Variants in EYS observed in about 807,000 individuals in gnomAD.
EYS encodes protein eyes shut homolog.
A neutral mutation model predicts 282.1 loss-of-function variants in EYS; 250 were observed. That is an observed-to-expected ratio of 0.89 (90% CI 0.80 to 0.98). The LOEUF (loss-of-function observed/expected upper bound fraction) is 0.98, where lower values mean the gene tolerates loss of function less well. Among genes scored for constraint, EYS ranks in the 50% least tolerant of loss-of-function variants. The probability of loss-of-function intolerance (pLI) is 0.00; values close to 1 mark genes in which losing one functional copy is unlikely to be tolerated. For missense variants in EYS, 4,016 were observed against 3,709.0 expected (o/e 1.08, Z -2.15); for synonymous variants, 1,355 against 1,282.9 (o/e 1.06, Z -1.20).
intron 37 of EYS, 131 bp from the exon 38 acceptor site, chr6:63,789,355 A>G (rs1161126950): frequency 2.3e-6 from 2 of 861,884 alleles, no homozygotes; most frequent in Admixed American, 5.7e-5. Context: ...GTCTCTAGTC[A>G]GCATTTAGGT....
chr6:65,504,182 C>T (rs116248478), intron 2 of EYS, among the ~76,000 whole-genome samples: 5,244 of 150,588 alleles, frequency 0.035, 254 homozygotes, highest in African/African-American at 0.11. Context: ...AGGTATATAC[C>T]CAATTATTTA....
intron 36 of EYS, chr6:63,821,308 A>G (rs946833759): frequency 5.3e-5 from 8 of 152,202 alleles, no homozygotes; most frequent in African/African-American, 1.9e-4. Flanking sequence ...AAGTAGAAAC[A>G]ACACATCAAA....
intron 26 of EYS, among the ~76,000 whole-genome samples, chr6:64,586,325 A>G (rs1026927769): frequency 3.3e-5 from 5 of 152,040 alleles, no homozygotes; most frequent in African/African-American, 1.2e-4. Context: ...ATAAATACCC[A>G]TTCTGTGGTA....
intron 41 of EYS, chr6:63,742,025 T>C (rs538791927): frequency 1.4e-6 from 1 of 700,366 alleles, no homozygotes; most frequent in African/African-American, 1.7e-5. Flanking sequence ...TTTGTGGCTC[T>C]TTATCAGCAG....
chr6:64,406,093 T>C (rs1280815396), intron 28 of EYS, among the ~76,000 whole-genome samples: 5 of 152,184 alleles, frequency 3.3e-5, no homozygotes, highest in African/African-American at 9.7e-5. Context: ...AACAGCATGG[T>C]ACTGGTAGCA....
chr6:64,933,838 T>G (rs536557792), intron 15 of EYS, among the ~76,000 whole-genome samples: 2 of 152,162 alleles, frequency 1.3e-5, no homozygotes, highest in African/African-American at 4.8e-5. Flanking sequence ...TGCAGAGACA[T>G]GGATGAAAAT....
chr6:65,170,106 T>C, intron 12 of EYS, among the ~76,000 whole-genome samples: 1 of 151,526 alleles, frequency 6.6e-6, no homozygotes, highest in Admixed American at 6.6e-5. Context: ...AGTGAGTCAA[T>C]TTAGAGAACA....
chr6:63,771,462 T>C (rs963087386), intron 40 of EYS, among the ~76,000 whole-genome samples: 3 of 152,234 alleles, frequency 2.0e-5, no homozygotes, highest in African/African-American at 7.2e-5. Flanking sequence ...AACAATCTGA[T>C]CTAAAAATGT....
chr6:63,782,042 TGGA>T (rs1183495449), intron 39 of EYS, among the ~76,000 whole-genome samples: 2 of 152,222 alleles, frequency 1.3e-5, no homozygotes, highest in African/African-American at 4.8e-5. Context: ...GTTTATATGA[TGGA>T]TTACATTTAT....
At chr6:65,336,896 A>G (rs1770010105) in intron 10 of EYS, among the ~76,000 whole-genome samples, 2 of 151,668 alleles carry the variant, frequency 1.3e-5, no homozygotes, top group Middle Eastern at 3.4e-3. Flanking sequence ...ACACAGGTAT[A>G]TATTTATATA....
intron 26 of EYS, among the ~76,000 whole-genome samples, chr6:64,572,443 G>T (rs1241955455): frequency 6.6e-6 from 1 of 152,160 alleles, no homozygotes; most frequent in Admixed American, 6.6e-5. Context: ...CATTCAAATA[G>T]GGAGAGAGGA....
intron 11 of EYS, among the ~76,000 whole-genome samples, chr6:65,334,257 T>C (rs1379802377): frequency 2.6e-5 from 4 of 151,754 alleles, no homozygotes; most frequent in African/African-American, 9.7e-5. Context: ...GGCAATATTT[T>C]ATTTTATTGT....
chr6:63,935,370 C>A (rs559073931), intron 35 of EYS, among the ~76,000 whole-genome samples: 1 of 152,332 alleles, frequency 6.6e-6, no homozygotes, highest in East Asian at 1.9e-4. Context: ...CTGTTATGAG[C>A]TGAATTGTTT....
chr6:65,607,348 A>G (rs1412218306), intron 2 of EYS, among the ~76,000 whole-genome samples: 1 of 151,860 alleles, frequency 6.6e-6, no homozygotes, highest in South Asian at 2.1e-4. Flanking sequence ...CAGAAACCAT[A>G]GTAACTTCTC....
intron 13 of EYS, among the ~76,000 whole-genome samples, chr6:65,045,353 C>T (rs980756554): frequency 1.1e-4 from 17 of 151,848 alleles, no homozygotes; most frequent in African/African-American, 3.9e-4. Flanking sequence ...CAAAACCTTG[C>T]CATTGTATCC....
chr6:65,021,303 C>G (rs1204289233), intron 13 of EYS, among the ~76,000 whole-genome samples: 1 of 152,214 alleles, frequency 6.6e-6, no homozygotes, highest in African/African-American at 2.4e-5. Flanking sequence ...TCATCTCTCT[C>G]AAGTTCAAAG....
rs931696645 is a variant in EYS, at chr6:64,515,808, A to C, written c.5644+74415T>G. 3.3e-5 allele frequency among the ~76,000 whole-genome samples: 5 copies of C among 151,668 alleles called. No individual in the cohort carries two copies. In the South Asian group the frequency reaches 6.2e-4, roughly 19 times the overall value. On this transcript the variant is annotated intron_variant, in intron 26 of 42. Coordinates refer to ENST00000503581, the MANE Select transcript of EYS (RefSeq NM_001142800.2). Reference sequence around the variant, plus strand: ...CCTGTTGTTATTTAAATAAAAAAAAACCTTAACTCTGGCTGTAACTATGCT... The same window carrying C: ...CCTGTTGTTATTTAAATAAAAAAAACCCTTAACTCTGGCTGTAACTATGCT...
intron 26 of EYS, among the ~76,000 whole-genome samples, chr6:64,477,196 A>C (rs1776297770): frequency 6.6e-6 from 1 of 152,070 alleles, no homozygotes; most frequent in Non-Finnish European, 1.5e-5. Flanking sequence ...TTCAATGAAA[A>C]ATAATGTTTT....
intron 18 of EYS, among the ~76,000 whole-genome samples, chr6:64,891,454 C>A (rs1477627670): frequency 2.0e-5 from 3 of 152,016 alleles, no homozygotes; most frequent in Non-Finnish European, 4.4e-5. Context: ...CAATGCTGAG[C>A]ACTTGGGACG....
Sources: gnomAD v4.1 joint callset for allele counts (sites outside exome capture counted in the v4.1 genomes callset) on GRCh38, gnomAD v4.1.1 for gene constraint, MANE v1.5 for transcripts, NCBI Gene and HGNC (gene_info 2026-07-23, HGNC 2026-07-21) for gene names.